ENTPD3: variants seen among roughly 807,000 people sequenced by gnomAD.
ENTPD3 encodes CD39 antigen-like 3.
Under a neutral mutation model 51.2 loss-of-function variants are expected in ENTPD3, and 60 were observed. That is an observed-to-expected ratio of 1.17 (90% confidence interval 0.95 to 1.45). The LOEUF is 1.45. Among genes scored for constraint, ENTPD3 ranks in the 40% most tolerant of loss-of-function variants. The pLI is 0.00. For missense variants in ENTPD3, 593 were observed against 641.1 expected (o/e 0.93, Z 0.81); for synonymous variants, 221 against 238.4 (o/e 0.93, Z 0.67).
chr3:40,400,976 G>T lies in ENTPD3; in HGVS notation c.251G>T (p.Gly84Val). The T allele has an allele frequency of 6.2e-7, 1 of 1,613,816 alleles. No homozygotes were observed. The part of the protein sequence containing the change: ...QWPAEKENNT[G>V]VVSQTFKCSV... ...CCAGCAGAAAAAGAGAATAATACCG[G>T]AGTGGTCAGTCAAACCTTCAAATGT... Residue 84 changes from glycine (G) to valine (V), a missense_variant, in exon 4 of 11, where the codon GGA (glycine) becomes GTA (valine). Gly to Val is a moderately radical substitution (Grantham distance 109). Transcript: ENST00000301825.
chr3:40,391,650 T>C, intron 2 of ENTPD3: 1 of 227,430 alleles, frequency 4.4e-6, no homozygotes, highest in Non-Finnish European at 8.2e-6. Context: ...CACTCTAACC[T>C]GGGCGATAGA....
At chr3:40,395,661 G>A (rs1026542870) in intron 3 of ENTPD3, among the ~76,000 whole-genome samples, 5 of 152,188 alleles carry the variant, frequency 3.3e-5, no homozygotes, top group African/African-American at 1.2e-4. Flanking sequence ...TCCCAGTCAA[G>A]GGCATATTTA....
chr3:40,387,998 AGGCCGGG>A, intron 1 of ENTPD3, 41 bp from the exon 2 acceptor site: 1 of 1,499,352 alleles, frequency 6.7e-7, no homozygotes, highest in South Asian at 1.1e-5. Context: ...TAAACTTGTG[AGGCCGGG>A]GCGGTGGACT....
At chr3:40,423,736 A>C in intron 9 of ENTPD3, 90 bp from the exon 10 acceptor site, 1 of 1,435,958 alleles carries the variant, frequency 7.0e-7, no homozygotes, top group Non-Finnish European at 9.5e-7. Flanking sequence ...TATGGGTGAT[A>C]AGATTCTTTA....
intron 10 of ENTPD3, among the ~76,000 whole-genome samples, chr3:40,426,705 G>A (rs1218786082): frequency 6.6e-6 from 1 of 152,092 alleles, no homozygotes; most frequent in African/African-American, 2.4e-5. Context: ...TTTAGTATCT[G>A]GCAAAGCAGT....
chr3:40,412,858 G>A (rs1482287533), intron 5 of ENTPD3, among the ~76,000 whole-genome samples: 1 of 152,142 alleles, frequency 6.6e-6, no homozygotes, highest in Admixed American at 6.5e-5. Flanking sequence ...TGATTTCCTG[G>A]TTGACCACAT....
chr3:40,398,660 G>C (rs1955267259), intron 3 of ENTPD3, among the ~76,000 whole-genome samples: 1 of 152,174 alleles, frequency 6.6e-6, no homozygotes, highest in South Asian at 2.1e-4. Flanking sequence ...TCACATACCA[G>C]TGAACACAGA....
intron 6 of ENTPD3, among the ~76,000 whole-genome samples, chr3:40,415,407 A>C (rs1318449897): frequency 6.6e-6 from 1 of 152,186 alleles, no homozygotes. Flanking sequence ...GTTCACCTTC[A>C]AATGTATTTT....
chr3:40,392,285 G>A, intron 3 of ENTPD3, 135 bp downstream of exon 3: 1 of 1,065,972 alleles, frequency 9.4e-7, no homozygotes, highest in Admixed American at 2.5e-5. Flanking sequence ...AGAAGTTAGT[G>A]TAAGACGCAA....
In ENTPD3 at chr3:40,423,918, C is replaced by A; in HGVS notation, c.1308C>A (p.Tyr436Ter). 6.2e-7 allele frequency: 1 copy of A among 1,614,142 alleles called. No homozygotes were observed. Among genetic ancestry groups the A allele is most frequent in the Non-Finnish European group, 8.5e-7 (1 of 1,180,016 alleles). Reference protein sequence around the residue: ...NYIYHLFVNGYKFTEETWPQI... With the variant: ...NYIYHLFVNG ...TCTACCACTTGTTTGTGAACGGTTA[C>A]AAATTCACAGAGGAGACTTGGCCCC... The change falls in exon 10 of 11, where the codon TAC becomes TAA. Residue 436 changes from tyrosine to a stop codon, truncating the protein, a stop_gained. Coordinates refer to ENST00000301825, the MANE Select transcript of ENTPD3 (RefSeq NM_001248.4). LOFTEE classifies it high-confidence loss of function.
At chr3:40,403,213 G>A (rs566999913) in intron 4 of ENTPD3, among the ~76,000 whole-genome samples, 101 of 152,220 alleles carry the variant, frequency 6.6e-4, no homozygotes, top group Non-Finnish European at 1.2e-3. Flanking sequence ...TCTGCCCTCC[G>A]AGGAGGGCAG....
chr3:40,415,797 G>C, intron 6 of ENTPD3, 43 bp from the exon 7 acceptor site: 1 of 1,524,928 alleles, frequency 6.6e-7, no homozygotes, highest in Non-Finnish European at 9.1e-7. Flanking sequence ...AACAGAGATG[G>C]TGCCTTTGGC....
chr3:40,414,989 T>C (rs1172605908), intron 6 of ENTPD3, 149 bp downstream of exon 6: 13 of 804,966 alleles, frequency 1.6e-5, no homozygotes, highest in Non-Finnish European at 2.6e-5. Context: ...TATGAGACAA[T>C]AGCTAAGAAA....
intron 3 of ENTPD3, 61 bp from the exon 4 acceptor site, chr3:40,400,833 G>A (rs557340787): frequency 1.5e-6 from 2 of 1,328,666 alleles, no homozygotes; most frequent in Admixed American, 3.4e-5. Context: ...GTGGCCCACT[G>A]AGAAAGCAGT....
chr3:40,411,683 C>A, intron 4 of ENTPD3, 129 bp from the exon 5 acceptor site: 2 of 792,448 alleles, frequency 2.5e-6, no homozygotes, highest in Non-Finnish European at 3.9e-6. Flanking sequence ...GGACTTACCA[C>A]ATCCAGCTGT....
chr3:40,406,411 A>G (rs1369069634), intron 4 of ENTPD3, among the ~76,000 whole-genome samples: 2 of 152,202 alleles, frequency 1.3e-5, no homozygotes, highest in East Asian at 1.9e-4. Flanking sequence ...CTGTGACACA[A>G]ATGAAGTTTC....
intron 7 of ENTPD3, among the ~76,000 whole-genome samples, chr3:40,417,969 C>T (rs772045645): frequency 1.3e-5 from 2 of 152,074 alleles, no homozygotes; most frequent in African/African-American, 4.8e-5. Flanking sequence ...TGTCTGTCTG[C>T]GTGCCTCTGT....
chr3:40,390,983 G>A (rs1955040296), intron 2 of ENTPD3: 1 of 151,900 alleles, frequency 6.6e-6, no homozygotes, highest in African/African-American at 2.4e-5. Flanking sequence ...ATTTTATTGA[G>A]ACAAGGTCTT....
chr3:40,423,823 C>T lies in ENTPD3; in HGVS notation c.1216-3C>T. 1 of 1,613,890 alleles carries T rather than the reference C, an allele frequency of 6.2e-7. No individual in the cohort carries two copies. The highest frequency in any genetic ancestry group is 8.5e-7 in the Non-Finnish European group (1 of 1,179,866). ...TGCCTCTCAGATGTTTTAAACCTTT[C>T]AGCTCCCACTGCTGCTCCCCAAATT... On this transcript the variant is annotated splice_region_variant and splice_polypyrimidine_tract_variant and intron_variant, in intron 9 of 10. Transcript: ENST00000301825.
Sources: allele counts gnomAD v4.1 joint callset (sites outside exome capture counted in the v4.1 genomes callset), GRCh38; gene constraint gnomAD v4.1.1; transcripts MANE v1.5; gene names NCBI Gene and HGNC (gene_info 2026-07-23, HGNC 2026-07-21).